ADAMTSL1: variants seen among roughly 807,000 people sequenced by gnomAD.
ADAMTSL1 encodes ADAMTS like 1.
ADAMTSL1 carries 126 observed loss-of-function variants against 201.8 expected under a neutral mutation model. The ratio of observed to expected loss-of-function variants is 0.62; its 90% CI spans 0.54 to 0.72. ADAMTSL1 has a LOEUF of 0.72. Among genes scored for constraint, ADAMTSL1 ranks in the 30% least tolerant of loss-of-function variants. The pLI is 0.00. For missense variants in ADAMTSL1, 2,679 were observed against 2,277.8 expected (o/e 1.18, Z -3.59); for synonymous variants, 1,121 against 903.4 (o/e 1.24, Z -4.32).
chr9:18,705,283 G>A (rs1832167215), intron 13 of ADAMTSL1, among the ~76,000 whole-genome samples: 1 of 152,184 alleles, frequency 6.6e-6, no homozygotes, highest in African/African-American at 2.4e-5. Flanking sequence ...CTGTGAGAAA[G>A]CAATAGGATC....
intron 7 of ADAMTSL1, among the ~76,000 whole-genome samples, chr9:18,655,940 C>G (rs531820811): frequency 2.0e-5 from 3 of 151,120 alleles, no homozygotes; most frequent in Admixed American, 2.0e-4. Context: ...ATAGGCAGTG[C>G]TCTTTTTTTG....
intron 4 of ADAMTSL1, among the ~76,000 whole-genome samples, chr9:18,602,031 G>A (rs755733969): frequency 3.9e-5 from 6 of 152,092 alleles, no homozygotes; most frequent in South Asian, 2.1e-4. Flanking sequence ...TACCATCTTC[G>A]TGATTGTTAG....
intron 2 of ADAMTSL1, among the ~76,000 whole-genome samples, chr9:18,248,350 AG>A (rs1395563890): frequency 6.6e-6 from 1 of 152,170 alleles, no homozygotes; most frequent in East Asian, 1.9e-4. Flanking sequence ...GTATGTAAAA[AG>A]CTTGGCTTCC....
intron 2 of ADAMTSL1, among the ~76,000 whole-genome samples, chr9:18,505,857 G>T (rs1823095434): frequency 6.6e-6 from 1 of 152,176 alleles, no homozygotes; most frequent in African/African-American, 2.4e-5. Flanking sequence ...TCAGAAAAAT[G>T]TCAACTTACT....
intron 1 of ADAMTSL1, among the ~76,000 whole-genome samples, chr9:18,085,592 A>G (rs1224581131): frequency 6.9e-6 from 1 of 144,054 alleles, no homozygotes; most frequent in African/African-American, 2.6e-5. Context: ...GTGTGTGTGT[A>G]TACGTATATA....
At chr9:18,156,487 C>G (rs1426028034) in intron 1 of ADAMTSL1, among the ~76,000 whole-genome samples, 1 of 151,982 alleles carries the variant, frequency 6.6e-6, no homozygotes, top group Non-Finnish European at 1.5e-5. Context: ...TTGATTTCTA[C>G]CCCTGCATGT....
intron 3 of ADAMTSL1, among the ~76,000 whole-genome samples, chr9:18,557,985 T>G (rs1369223669): frequency 6.6e-5 from 10 of 152,062 alleles, no homozygotes. Context: ...AGTGTCTTAT[T>G]TGAACTCACT....
At chr9:18,211,337 A>G (rs1829863458) in intron 2 of ADAMTSL1, among the ~76,000 whole-genome samples, 2 of 152,100 alleles carry the variant, frequency 1.3e-5, no homozygotes, top group Admixed American at 6.5e-5. Flanking sequence ...TTTTTTCCCT[A>G]TTCCATTTCA....
In ADAMTSL1 at chr9:18,908,484, A is replaced by T; in HGVS notation, c.5225A>T (p.Gln1742Leu). 2 of 1,564,964 alleles carry T rather than the reference A, an allele frequency of 1.3e-6. No individual in the cohort carries two copies. Among genetic ancestry groups the T allele is most frequent in the Non-Finnish European group, 1.7e-6 (2 of 1,154,846 alleles). The part of the protein sequence containing the change: ...DTTRYCEKVK[Q>L]LKLCQLSQFK... The stretch of plus-strand genomic sequence containing the variant: ...ACCAGGTACTGCGAGAAGGTGAAAC[A>T]GCTGAAACTCTGCCAACTCAGCCAG... The change falls in exon 29 of 29, where the codon CAG becomes CTG. Residue 1742 changes from glutamine (Q) to leucine (L), a missense_variant. Transcript: ENST00000380548.
At chr9:18,899,528 C>G (rs1272115299) in intron 26 of ADAMTSL1, among the ~76,000 whole-genome samples, 2 of 152,196 alleles carry the variant, frequency 1.3e-5, no homozygotes, top group Admixed American at 6.5e-5. Flanking sequence ...GGAGGCATCA[C>G]ACTACCTGAC....
intron 7 of ADAMTSL1, among the ~76,000 whole-genome samples, chr9:18,647,025 C>G (rs1184078509): frequency 6.6e-6 from 1 of 151,858 alleles, no homozygotes; most frequent in South Asian, 2.1e-4. Context: ...GTCCTGGACT[C>G]TTTTTGGTTG....
At chr9:18,217,221 A>G (rs1005662278) in intron 2 of ADAMTSL1, among the ~76,000 whole-genome samples, 3 of 152,186 alleles carry the variant, frequency 2.0e-5, no homozygotes, top group African/African-American at 4.8e-5. Context: ...GACAGCTAAT[A>G]AAGTGTTTTT....
intron 2 of ADAMTSL1, among the ~76,000 whole-genome samples, chr9:18,414,996 GC>G (rs1044062792): frequency 2.0e-5 from 3 of 152,166 alleles, no homozygotes. Context: ...GGAATAATTA[GC>G]CCCAATCTAA....
chr9:18,467,945 T>G (rs1214332803), intron 2 of ADAMTSL1, among the ~76,000 whole-genome samples: 2 of 152,208 alleles, frequency 1.3e-5, no homozygotes, highest in Non-Finnish European at 2.9e-5. Context: ...TTGTTTTATC[T>G]GTGGAGGATG....
chr9:18,063,434 T>C (rs887909924), intron 1 of ADAMTSL1, among the ~76,000 whole-genome samples: 1 of 152,250 alleles, frequency 6.6e-6, no homozygotes, highest in African/African-American at 2.4e-5. Flanking sequence ...AAGAGGAAAA[T>C]ACTGTATTCT....
chr9:18,076,345 C>T (rs1475430896), intron 1 of ADAMTSL1, among the ~76,000 whole-genome samples: 3 of 152,170 alleles, frequency 2.0e-5, no homozygotes, highest in South Asian at 2.1e-4. Context: ...TTGTCCTCCT[C>T]GTGAGGTGGA....
intron 2 of ADAMTSL1, among the ~76,000 whole-genome samples, chr9:18,510,374 A>G (rs547367915): frequency 2.0e-5 from 3 of 152,334 alleles, no homozygotes; most frequent in South Asian, 2.1e-4. Context: ...AAAAAATTCA[A>G]TGGAGACAAA....
At chr9:18,079,460 C>T (rs558503428) in intron 1 of ADAMTSL1, among the ~76,000 whole-genome samples, 2 of 152,050 alleles carry the variant, frequency 1.3e-5, no homozygotes, top group South Asian at 4.2e-4. Flanking sequence ...GGGCGGATCA[C>T]GAGGTCAGGA....
At chr9:18,554,225 T>TA (rs1468165423) in intron 3 of ADAMTSL1, among the ~76,000 whole-genome samples, 2 of 151,816 alleles carry the variant, frequency 1.3e-5, no homozygotes, top group Non-Finnish European at 2.9e-5. Flanking sequence ...AAATTCTTCT[T>TA]AAAAATGTCC....
Sources: allele counts gnomAD v4.1 joint callset (sites outside exome capture counted in the v4.1 genomes callset), GRCh38; gene constraint gnomAD v4.1.1; transcripts MANE v1.5; gene names NCBI Gene and HGNC (gene_info 2026-07-23, HGNC 2026-07-21).